The following ABLIM3 variants were observed in gnomAD, a reference collection of about 807,000 sequenced individuals.
ABLIM3 encodes actin binding LIM protein family member 3, also known as actin-binding LIM protein 3.
Under a neutral mutation model 109.5 loss-of-function variants are expected in ABLIM3, and 61 were observed. The observed-to-expected ratio is 0.56, with a 90% confidence interval of 0.45 to 0.69. The LOEUF (loss-of-function observed/expected upper bound fraction) is 0.69. Among genes scored for constraint, ABLIM3 ranks in the 30% least tolerant of loss-of-function variants. The pLI, the probability that ABLIM3 is intolerant of heterozygous loss-of-function variation, is 0.00. For synonymous variants in ABLIM3, 300 were observed against 324.8 expected, an observed-to-expected ratio of 0.92 and a Z score of 0.82; for missense variants, 796 against 889.5, an observed-to-expected ratio of 0.89 and a Z score of 1.34.
chr5:149,175,631 C>T (rs746986664), intron 2 of ABLIM3, among the ~76,000 whole-genome samples: 6 of 152,116 alleles, frequency 3.9e-5, no homozygotes, highest in Non-Finnish European at 7.4e-5. Flanking sequence ...GCGGGCAATC[C>T]GGCAGCTGAA....
At chr5:149,249,931 C>G in intron 19 of ABLIM3, 87 bp downstream of exon 19, 1 of 1,491,972 alleles carries the variant, frequency 6.7e-7, no homozygotes, top group Non-Finnish European at 9.4e-7. Flanking sequence ...GTTCTAATGA[C>G]CATACAATGT....
At chr5:149,149,017 C>T (rs1177048886) in intron 2 of ABLIM3, among the ~76,000 whole-genome samples, 1 of 152,174 alleles carries the variant, frequency 6.6e-6, no homozygotes, top group Non-Finnish European at 1.5e-5. Flanking sequence ...TGGTCTTTAC[C>T]ATGGATTTGT....
At chr5:149,141,886 G>C (rs1373747522) in intron 1 of ABLIM3, 123 bp from the exon 2 acceptor site, 2 of 680,318 alleles carry the variant, frequency 2.9e-6, no homozygotes, top group Non-Finnish European at 5.2e-6. Context: ...GCTCTCACCT[G>C]CGCCTATTAG....
At chr5:149,249,780 C>T (rs748205227) in intron 18 of ABLIM3, 35 bp from the exon 19 acceptor site, 4 of 1,613,914 alleles carry the variant, frequency 2.5e-6, no homozygotes, top group Non-Finnish European at 3.4e-6. Context: ...TGTCTTTCCT[C>T]ATGAGCAATG....
At chr5:149,206,098 C>T (rs1056886513) in intron 5 of ABLIM3, among the ~76,000 whole-genome samples, 2 of 152,234 alleles carry the variant, frequency 1.3e-5, no homozygotes, top group Non-Finnish European at 2.9e-5. Context: ...GTGGGTCATC[C>T]GGTTGGCTAG....
At chr5:149,213,052 G>A (rs900106078) in intron 7 of ABLIM3, among the ~76,000 whole-genome samples, 3 of 152,200 alleles carry the variant, frequency 2.0e-5, no homozygotes, top group African/African-American at 7.2e-5. Context: ...GGTGGAGGTT[G>A]CAATAAGTTG....
intron 5 of ABLIM3, among the ~76,000 whole-genome samples, chr5:149,203,636 C>T (rs1317062319): frequency 6.6e-6 from 1 of 152,046 alleles, no homozygotes; most frequent in South Asian, 2.1e-4. Flanking sequence ...CCACCTTCGC[C>T]AACGCTACCA....
At chr5:149,192,563 T>G (rs1317786312) in intron 3 of ABLIM3, among the ~76,000 whole-genome samples, 2 of 150,562 alleles carry the variant, frequency 1.3e-5, no homozygotes, top group African/African-American at 4.9e-5. Context: ...GAGGCAGAGC[T>G]TGCAGTGAGC....
At chr5:149,215,162 C>T (rs962030682) in intron 7 of ABLIM3, among the ~76,000 whole-genome samples, 1 of 152,146 alleles carries the variant, frequency 6.6e-6, no homozygotes, top group Non-Finnish European at 1.5e-5. Context: ...TTTGCCAAGG[C>T]ACTGTTGCCA....
intron 11 of ABLIM3, 88 bp from the exon 12 acceptor site, chr5:149,239,160 C>A (rs1298119725): frequency 2.3e-6 from 3 of 1,319,262 alleles, no homozygotes; most frequent in Non-Finnish European, 3.3e-6. Flanking sequence ...CTCTGCCGAG[C>A]CATCTAACCA....
intron 8 of ABLIM3, chr5:149,219,896 G>A (rs1044341998): frequency 6.6e-6 from 1 of 152,094 alleles, no homozygotes; most frequent in African/African-American, 2.4e-5. Context: ...CCACGTCTTT[G>A]CCTCCCTGCC....
intron 5 of ABLIM3, among the ~76,000 whole-genome samples, chr5:149,205,346 G>A (rs191637144): frequency 6.6e-6 from 1 of 152,140 alleles, no homozygotes; most frequent in Non-Finnish European, 1.5e-5. Flanking sequence ...GTGCCCACTT[G>A]TCGAGAATGC....
chr5:149,181,301 T>G (rs763997374), intron 2 of ABLIM3, among the ~76,000 whole-genome samples: 2 of 137,780 alleles, frequency 1.5e-5, no homozygotes, highest in South Asian at 2.5e-4. Flanking sequence ...TTCTGGGGGG[T>G]GGGGAAGGAT....
In ABLIM3 at chr5:149,207,011, G is replaced by T. The variant is rs776879732; in HGVS notation, c.452G>T (p.Cys151Phe). 1 of 1,613,858 alleles carries T rather than the reference G, an allele frequency of 6.2e-7. No individual in the cohort carries two copies. Among genetic ancestry groups the T allele is most frequent in the Non-Finnish European group, 8.5e-7 (1 of 1,179,874 alleles). ...GCAGTGTCCTCTTGTCTTGCAGACT[G>T]TGCCGGGTGCAAGGAGGAGATCAAG... ...KPIKIRGPSH[C>F]AGCKEEIKHG... The change falls in exon 6 of 24, where the codon TGT becomes TTT. Residue 151 changes from cysteine (C) to phenylalanine (F), a missense_variant. Coordinates refer to ENST00000309868, the MANE Select transcript of ABLIM3 (RefSeq NM_014945.5).
intron 21 of ABLIM3, 116 bp downstream of exon 21, chr5:149,251,535 T>C: frequency 8.4e-7 from 1 of 1,186,324 alleles, no homozygotes; most frequent in Non-Finnish European, 1.2e-6. Context: ...CGCTGGGCTG[T>C]GTCCAACCCT....
intron 23 of ABLIM3, among the ~76,000 whole-genome samples, chr5:149,254,184 T>C (rs978893650): frequency 1.1e-4 from 17 of 152,078 alleles, no homozygotes; most frequent in Admixed American, 2.0e-4. Context: ...AGCCAAGACA[T>C]ATCAATGCCC....
At chr5:149,236,466 G>A (rs1022105020) in intron 10 of ABLIM3, among the ~76,000 whole-genome samples, 1 of 151,996 alleles carries the variant, frequency 6.6e-6, no homozygotes, top group South Asian at 2.1e-4. Flanking sequence ...GACAGATCCT[G>A]GTTGATCATA....
chr5:149,207,317 C>T (rs1228177254), intron 6 of ABLIM3, among the ~76,000 whole-genome samples, 183 bp downstream of exon 6: 1 of 152,086 alleles, frequency 6.6e-6, no homozygotes. Context: ...GGGGGGGTTT[C>T]CCTCTGCCTG....
Position 149,246,480 on chromosome 5 carries a change from A to G in ABLIM3, c.1487-2A>G. 1 of 1,614,048 alleles carries G rather than the reference A, an allele frequency of 6.2e-7. No individual in the cohort carries two copies. Among genetic ancestry groups the G allele is most frequent in the Non-Finnish European group, 8.5e-7 (1 of 1,179,988 alleles). On this transcript the variant is annotated splice_acceptor_variant, in intron 16 of 23. Coordinates refer to ENST00000309868, the MANE Select transcript of ABLIM3 (RefSeq NM_014945.5). LOFTEE classifies it high-confidence loss of function. ...GAGCTGATCTTTTCTGTCTTTTGAC[A>G]GTGCCCCGAGCCAGAAGGTTCTCGT...
Sources: gnomAD v4.1 joint callset for allele counts (sites outside exome capture counted in the v4.1 genomes callset) on GRCh38, gnomAD v4.1.1 for gene constraint, MANE v1.5 for transcripts, NCBI Gene and HGNC (gene_info 2026-07-23, HGNC 2026-07-21) for gene names.